Variants in CD2AP observed in about 807,000 individuals in gnomAD.
CD2AP encodes CD2 associated protein.
Under a neutral mutation model 85.1 loss-of-function variants are expected in CD2AP, and 46 were observed. That is an observed-to-expected ratio of 0.54 (90% CI 0.43 to 0.69). The LOEUF (loss-of-function observed/expected upper bound fraction) is 0.69, where lower values mean the gene tolerates loss of function less well. CD2AP is among the 30% of genes least tolerant of loss of function. CD2AP has a pLI of 0.00. For missense variants in CD2AP, 769 were observed against 729.5 expected (o/e 1.05, Z -0.62); for synonymous variants, 255 against 252.9 (o/e 1.01, Z -0.08).
chr6:47,566,685 A>T (rs1218391902), intron 5 of CD2AP, among the ~76,000 whole-genome samples: 1 of 151,430 alleles, frequency 6.6e-6, no homozygotes, highest in African/African-American at 2.4e-5. Context: ...TCATTGTTCA[A>T]CTCCCACTAA....
chr6:47,546,187 G>T (rs1767360152), intron 4 of CD2AP, among the ~76,000 whole-genome samples: 1 of 152,044 alleles, frequency 6.6e-6, no homozygotes, highest in Admixed American at 6.6e-5. Context: ...GGAAACAATG[G>T]ATGCACTTAC....
intron 11 of CD2AP, among the ~76,000 whole-genome samples, chr6:47,589,730 G>A (rs1480034157): frequency 1.3e-5 from 2 of 151,896 alleles, no homozygotes; most frequent in Non-Finnish European, 2.9e-5. Flanking sequence ...GAAAGTGGTA[G>A]CTTAGCCTAT....
At chr6:47,527,310 A>G (rs992262251) in intron 2 of CD2AP, among the ~76,000 whole-genome samples, 1 of 152,148 alleles carries the variant, frequency 6.6e-6, no homozygotes, top group African/African-American at 2.4e-5. Context: ...CCCACCTCCC[A>G]TGGATCAACT....
chr6:47,529,268 T>G (rs1766809628), intron 2 of CD2AP, among the ~76,000 whole-genome samples: 1 of 147,898 alleles, frequency 6.8e-6, no homozygotes, highest in South Asian at 2.2e-4. Context: ...TTGTTCAGTG[T>G]CGTTTTGTTG....
At chr6:47,619,218 G>A (rs1170441614) in intron 17 of CD2AP, among the ~76,000 whole-genome samples, 2 of 151,944 alleles carry the variant, frequency 1.3e-5, no homozygotes, top group Admixed American at 6.6e-5. Context: ...TTCATCCCTC[G>A]CCCCCTTCCC....
chr6:47,503,171 G>T, intron 1 of CD2AP, 109 bp from the exon 2 acceptor site: 2 of 1,034,362 alleles, frequency 1.9e-6, no homozygotes, highest in Admixed American at 2.0e-5. Context: ...TGTCTTTGTG[G>T]TATTAAATAT....
intron 1 of CD2AP, among the ~76,000 whole-genome samples, chr6:47,502,311 C>CT (rs563351095): frequency 0.026 from 3,877 of 146,572 alleles, 82 homozygotes; most frequent in Admixed American, 0.04. Flanking sequence ...TTTTCATTAT[C>CT]TTTTTTTTTT....
intron 2 of CD2AP, among the ~76,000 whole-genome samples, chr6:47,530,899 T>G (rs1766857128): frequency 6.6e-6 from 1 of 152,198 alleles, no homozygotes; most frequent in Non-Finnish European, 1.5e-5. Flanking sequence ...GGACATATAT[T>G]GCCAGAACTT....
At chr6:47,577,228 C>T (rs1252908570) in intron 8 of CD2AP, 125 bp downstream of exon 8, 4 of 644,956 alleles carry the variant, frequency 6.2e-6, no homozygotes, top group Non-Finnish European at 1.1e-5. Context: ...GGGACTTTGT[C>T]TTGTTTCTAA....
intron 2 of CD2AP, among the ~76,000 whole-genome samples, chr6:47,523,588 G>A (rs1766649497): frequency 6.6e-6 from 1 of 152,074 alleles, no homozygotes; most frequent in Non-Finnish European, 1.5e-5. Context: ...TTCTGTTACT[G>A]TTAAAGCATT....
intron 3 of CD2AP, among the ~76,000 whole-genome samples, chr6:47,540,359 A>G (rs913071074): frequency 6.6e-6 from 1 of 152,060 alleles, no homozygotes; most frequent in Non-Finnish European, 1.5e-5. Context: ...AAAAATCTCA[A>G]AGTGCCCCCT....
At chr6:47,599,494 GA>G (rs1769056363) in intron 13 of CD2AP, 51 bp downstream of exon 13, 1 of 1,516,966 alleles carries the variant, frequency 6.6e-7, no homozygotes, top group Non-Finnish European at 9.1e-7. Flanking sequence ...AATTGTCAAA[GA>G]AACTCTTTAA....
At chr6:47,517,280 ACTT>A (rs1265137675) in intron 2 of CD2AP, among the ~76,000 whole-genome samples, 8 of 147,516 alleles carry the variant, frequency 5.4e-5, no homozygotes, top group Middle Eastern at 3.6e-3. Flanking sequence ...AGCCAATTAA[ACTT>A]CTTTTTTTTT....
chr6:47,555,617 G>T (rs1265203936), intron 5 of CD2AP, among the ~76,000 whole-genome samples: 3 of 151,898 alleles, frequency 2.0e-5, no homozygotes, highest in African/African-American at 7.3e-5. Flanking sequence ...ATGAGATGAA[G>T]TTGTAAGATT....
chr6:47,554,831 T>G, intron 5 of CD2AP, 65 bp downstream of exon 5: 1 of 1,436,618 alleles, frequency 7.0e-7, no homozygotes. Context: ...AGTGTTTTAT[T>G]TTGTATTTTT....
At chr6:47,484,684 C>G (rs1179933585) in intron 1 of CD2AP, among the ~76,000 whole-genome samples, 1 of 152,146 alleles carries the variant, frequency 6.6e-6, no homozygotes, top group Admixed American at 6.5e-5. Context: ...AACTTCCCAT[C>G]ATGATCTTGT....
chr6:47,478,190 C>CAGGAGGAGGAGG lies in CD2AP; in HGVS notation c.-55_-54insAGGAGGAGGAGG, dbSNP rs560930115. 2 of 1,430,412 alleles carry CAGGAGGAGGAGG rather than the reference C, an allele frequency of 1.4e-6. No individual in the cohort carries two copies. Among genetic ancestry groups the CAGGAGGAGGAGG allele is most frequent in the East Asian group, 2.6e-5 (1 of 38,118 alleles). The allele number at this position is 1,430,412 out of a possible 1,614,324, so 88.6% of individuals were successfully genotyped here. Reference sequence around the variant, plus strand: ...GCGGGAGCGGCCGCGCGAGCCACCACTGGAGGAGGAGGAGGAGGAGCGGAC... The same window carrying CAGGAGGAGGAGG: ...GCGGGAGCGGCCGCGCGAGCCACCACAGGAGGAGGAGGTGGAGGAGGAGGAGGAGGAGCGGAC... On this transcript the variant is annotated 5_prime_UTR_variant, in exon 1 of 18. Transcript: ENST00000359314.
chr6:47,568,500 G>A (rs1340138193), intron 5 of CD2AP, among the ~76,000 whole-genome samples: 2 of 152,144 alleles, frequency 1.3e-5, no homozygotes, highest in African/African-American at 4.8e-5. Context: ...CCAGCCCTTT[G>A]GGAGGCTGAG....
chr6:47,527,031 G>A (rs13200221), intron 2 of CD2AP, among the ~76,000 whole-genome samples: 16,965 of 151,976 alleles, frequency 0.11, 1,152 homozygotes, highest in Non-Finnish European at 0.16. Flanking sequence ...AAATATTTGT[G>A]TATCTTTCAT....
Sources: allele counts gnomAD v4.1 joint callset (sites outside exome capture counted in the v4.1 genomes callset), GRCh38; gene constraint gnomAD v4.1.1; transcripts MANE v1.5; gene names NCBI Gene and HGNC (gene_info 2026-07-23, HGNC 2026-07-21).